FRMD4A: variants seen among roughly 807,000 people sequenced by gnomAD.
FRMD4A encodes FERM domain containing 4A, also known as FERM domain-containing protein 4A.
In FRMD4A, 29 loss-of-function variants were observed where a neutral mutation model predicts 129.1. That is an observed-to-expected ratio of 0.22 (90% CI 0.17 to 0.31). The LOEUF (loss-of-function observed/expected upper bound fraction) is 0.31. FRMD4A is among the 10% of genes least tolerant of loss of function. The pLI is 1.00. For missense variants in FRMD4A, 1,272 were observed against 1,375.8 expected, an observed-to-expected ratio of 0.92 and a Z score of 1.19; for synonymous variants, 634 against 571.6, an observed-to-expected ratio of 1.11 and a Z score of -1.56.
intron 2 of FRMD4A, among the ~76,000 whole-genome samples, chr10:14,313,723 G>A (rs1252325797): frequency 6.6e-6 from 1 of 152,208 alleles, no homozygotes; most frequent in Admixed American, 6.5e-5. Context: ...TTCATGGAAT[G>A]ATGACTATAT....
chr10:13,676,602 C>A (rs1382743884), intron 15 of FRMD4A, among the ~76,000 whole-genome samples: 1 of 152,064 alleles, frequency 6.6e-6, no homozygotes, highest in Non-Finnish European at 1.5e-5. Context: ...GCAAGCCCAT[C>A]GTGAGCAGAA....
chr10:14,161,235 C>T (rs1053167824), intron 2 of FRMD4A, among the ~76,000 whole-genome samples: 4 of 152,144 alleles, frequency 2.6e-5, no homozygotes, highest in Admixed American at 1.3e-4. Context: ...GGATTACAGG[C>T]GTGAACCACC....
In FRMD4A at chr10:13,909,071, T is replaced by A. The variant is rs192934535; in HGVS notation, c.46-50159A>T. 2.0e-5 allele frequency among the ~76,000 whole-genome samples: 3 copies of A among 152,370 alleles called. No individual in the cohort carries two copies. In the East Asian group the frequency reaches 5.8e-4, roughly 29 times the overall value. ...TCTTATTGTTTTTTCACAGCCCTTATCATCAGTTTTCCTGCAATGTATTTC... is the reference window on the plus strand; with the variant it reads ...TCTTATTGTTTTTTCACAGCCCTTAACATCAGTTTTCCTGCAATGTATTTC... On this transcript the variant is annotated intron_variant, in intron 2 of 24. Coordinates refer to ENST00000357447, the MANE Select transcript of FRMD4A (RefSeq NM_018027.5).
rs55763234 is a variant in FRMD4A, at chr10:14,261,941, A to AACACACACACACAC, written c.45+68103_45+68116dup. Among the ~76,000 whole-genome samples the AACACACACACACAC allele has an allele frequency of 1.7e-3, 222 of 128,304 alleles. 1 individual carries two copies. The highest frequency in any genetic ancestry group is 4.0e-3 in the Middle Eastern group (1 of 248). The allele number at this position is 128,304 out of a possible 152,430, so 84.2% of individuals were successfully genotyped here. ...TGTGACTCCATTTCTCACCACACCA[A>AACACACACACACAC]ACACACACACACACACACACACACA... On this transcript the variant is annotated intron_variant, in intron 2 of 24. Transcript: ENST00000357447.
intron 5 of FRMD4A, among the ~76,000 whole-genome samples, chr10:13,784,395 A>G (rs1041763718): frequency 3.3e-5 from 5 of 152,212 alleles, no homozygotes; most frequent in African/African-American, 9.6e-5. Context: ...TGTAAACAAC[A>G]ACAGCAGCAG....
chr10:13,808,917 A>G (rs114780309), intron 4 of FRMD4A, among the ~76,000 whole-genome samples: 2,698 of 152,256 alleles, frequency 0.018, 55 homozygotes, highest in African/African-American at 0.058. Flanking sequence ...GAGCCTCCAC[A>G]TAGCCAGCTC....
At chr10:13,853,929 C>T (rs1057072023) in intron 3 of FRMD4A, among the ~76,000 whole-genome samples, 3 of 151,652 alleles carry the variant, frequency 2.0e-5, no homozygotes, top group Non-Finnish European at 2.9e-5. Context: ...TGAAACGAAG[C>T]CTGTCTAGCA....
At chr10:14,308,273 CA>C (rs1208483318) in intron 2 of FRMD4A, among the ~76,000 whole-genome samples, 1 of 152,198 alleles carries the variant, frequency 6.6e-6, no homozygotes, top group Non-Finnish European at 1.5e-5. Context: ...TCTTGAATGA[CA>C]CTCTTTTAAA....
At chr10:13,976,414 C>T (rs1260674474) in intron 2 of FRMD4A, among the ~76,000 whole-genome samples, 2 of 152,126 alleles carry the variant, frequency 1.3e-5, no homozygotes, top group African/African-American at 2.4e-5. Context: ...CTGCCAGGTA[C>T]GGACTCCCAG....
At position 13,694,112 on chromosome 10, in the gene FRMD4A, G is replaced by A. The variant is rs1002035447; in HGVS notation, c.976-73C>T. ...GAAAGGACAGTCATCCCTCGCCCGC[G>A]CCTGCTCACCGTCTTGACATTCCGC... On this transcript the variant is annotated intron_variant, in intron 14 of 24. Transcript: ENST00000357447. 1.3e-5 allele frequency: 16 copies of A among 1,270,624 alleles called. No individual in the cohort carries two copies. The African/African-American group carries it at 1.4e-4, about 11-fold the overall frequency. 78.7% of individuals were successfully genotyped at this position (1,270,624 alleles called of 1,614,324 possible). A position where few individuals can be genotyped will look rare whatever the true frequency, so the allele number is the denominator to read the frequency against.
intron 2 of FRMD4A, among the ~76,000 whole-genome samples, chr10:14,118,232 C>T (rs993012160): frequency 6.6e-6 from 1 of 152,158 alleles, no homozygotes; most frequent in African/African-American, 2.4e-5. Context: ...TCTGGCCTCT[C>T]AATGTTGCCT....
intron 2 of FRMD4A, among the ~76,000 whole-genome samples, chr10:13,913,406 C>G (rs751178305): frequency 7.9e-5 from 12 of 152,098 alleles, no homozygotes; most frequent in African/African-American, 2.9e-4. Flanking sequence ...CACTGAATTG[C>G]GTACTTTAAT....
chr10:14,128,002 T>C (rs7079669), intron 2 of FRMD4A, among the ~76,000 whole-genome samples: 31,068 of 68,692 alleles, frequency 0.45, 6,202 homozygotes, highest in East Asian at 0.65. Context: ...CTCTCTCTCT[T>C]TCTTTCTTTC....
chr10:13,670,332 A>G, intron 17 of FRMD4A, 74 bp downstream of exon 17: 2 of 1,500,392 alleles, frequency 1.3e-6, no homozygotes, highest in South Asian at 2.3e-5. Flanking sequence ...TGGTACAGAA[A>G]ACCTGGAAGG....
chr10:13,778,192 C>T (rs2092646425), intron 6 of FRMD4A, among the ~76,000 whole-genome samples: 1 of 152,002 alleles, frequency 6.6e-6, no homozygotes, highest in Non-Finnish European at 1.5e-5. Flanking sequence ...AGACTGCTCA[C>T]CTTTCATTTC....
At chr10:14,134,095 A>G (rs987864768) in intron 2 of FRMD4A, among the ~76,000 whole-genome samples, 2 of 152,232 alleles carry the variant, frequency 1.3e-5, no homozygotes, top group Non-Finnish European at 2.9e-5. Context: ...GATAATTTCT[A>G]CAAGGTTTCT....
At chr10:14,103,239 A>T (rs1837404123) in intron 2 of FRMD4A, among the ~76,000 whole-genome samples, 1 of 152,228 alleles carries the variant, frequency 6.6e-6, no homozygotes, top group African/African-American at 2.4e-5. Context: ...TCAGATCAGC[A>T]ATATGCCCAT....
intron 5 of FRMD4A, among the ~76,000 whole-genome samples, chr10:13,789,768 AAT>A (rs1491269347): frequency 7.1e-4 from 33 of 46,552 alleles, no homozygotes; most frequent in Admixed American, 6.3e-3. Flanking sequence ...GGCTGCTTAT[AAT>A]GTGTGTGTGT....
chr10:14,019,780 G>C (rs1832650774), intron 2 of FRMD4A, among the ~76,000 whole-genome samples: 1 of 152,226 alleles, frequency 6.6e-6, no homozygotes, highest in Non-Finnish European at 1.5e-5. Context: ...CAGAAGTAGG[G>C]CTGTGGAGGG....
Sources: allele counts gnomAD v4.1 joint callset (sites outside exome capture counted in the v4.1 genomes callset), GRCh38; gene constraint gnomAD v4.1.1; transcripts MANE v1.5; gene names NCBI Gene and HGNC (gene_info 2026-07-23, HGNC 2026-07-21).